The following SORCS2 variants were observed in gnomAD, a reference collection of about 807,000 sequenced individuals.
SORCS2 encodes the protein sortilin related VPS10 domain containing receptor 2.
In SORCS2, 100 loss-of-function variants were observed where a neutral mutation model predicts 141.6. That is an observed-to-expected ratio of 0.71 (90% CI 0.60 to 0.83). The LOEUF (loss-of-function observed/expected upper bound fraction) is 0.83, where lower values mean the gene tolerates loss of function less well. Ranked by LOEUF, SORCS2 falls within the 40% of genes least tolerant of loss-of-function variation. The pLI is 0.00. For missense variants in SORCS2, 1,646 were observed against 1,560.2 expected (o/e 1.05, Z -0.93); for synonymous variants, 789 against 676.9 (o/e 1.17, Z -2.57).
intron 1 of SORCS2, among the ~76,000 whole-genome samples, chr4:7,261,118 C>T (rs1171085073): frequency 6.6e-6 from 1 of 152,186 alleles, no homozygotes; most frequent in Non-Finnish European, 1.5e-5. Context: ...GTGATGGGTG[C>T]TGGAACCAGC....
At chr4:7,506,233 C>A (rs1732270842) in intron 2 of SORCS2, among the ~76,000 whole-genome samples, 1 of 145,292 alleles carries the variant, frequency 6.9e-6, no homozygotes, top group Admixed American at 6.6e-5. Flanking sequence ...CGGGCCTCCT[C>A]TGCCAGGGGC....
At chr4:7,405,797 A>C (rs1435012346) in intron 2 of SORCS2, among the ~76,000 whole-genome samples, 2 of 152,102 alleles carry the variant, frequency 1.3e-5, no homozygotes, top group East Asian at 3.8e-4. Context: ...GGATAATTTT[A>C]CTTCCTCTTT....
chr4:7,506,238 AG>A (rs11309463), intron 2 of SORCS2, among the ~76,000 whole-genome samples: 22,862 of 152,148 alleles, frequency 0.15, 3,029 homozygotes, highest in African/African-American at 0.36. Flanking sequence ...CTCCTCTGCC[AG>A]GGGCGCTGCC....
At chr4:7,277,424 A>G (rs1175504875) in intron 1 of SORCS2, among the ~76,000 whole-genome samples, 1 of 152,064 alleles carries the variant, frequency 6.6e-6, no homozygotes, top group African/African-American at 2.4e-5. Context: ...CTCAATACAG[A>G]CGGGCTTTCC....
chr4:7,296,038 C>T (rs1194212595), intron 1 of SORCS2, among the ~76,000 whole-genome samples: 1 of 152,190 alleles, frequency 6.6e-6, no homozygotes, highest in African/African-American at 2.4e-5. Context: ...GCTGGGGGTC[C>T]GTGCTGGGGG....
chr4:7,221,399 T>G (rs1728698278), intron 1 of SORCS2, among the ~76,000 whole-genome samples: 1 of 152,196 alleles, frequency 6.6e-6, no homozygotes, highest in African/African-American at 2.4e-5. Flanking sequence ...CAGGTGAGCC[T>G]TTTTCAGGCT....
chr4:7,704,324 C>A lies in SORCS2; in HGVS notation c.1868+40C>A, dbSNP rs753622790. Reference sequence around the variant, plus strand: ...CGGGGAGTGGGCACTGGTGGCAGGGCAGAGCCATGCTGGGCCTCCCTGGGC... The same window carrying A: ...CGGGGAGTGGGCACTGGTGGCAGGGAAGAGCCATGCTGGGCCTCCCTGGGC... On this transcript the variant is annotated intron_variant, in intron 14 of 26. Transcript: ENST00000507866. 6.5e-6 allele frequency: 10 copies of A among 1,544,764 alleles called. No homozygotes were observed. The East Asian group carries it at 2.1e-4, about 33-fold the overall frequency.
intron 1 of SORCS2, among the ~76,000 whole-genome samples, chr4:7,374,326 G>C (rs781130522): frequency 1.3e-5 from 2 of 152,076 alleles, no homozygotes; most frequent in Non-Finnish European, 2.9e-5. Flanking sequence ...AGGCTTGTGG[G>C]GAAATGCTCC....
At chr4:7,667,777 G>T (rs941228019) in intron 8 of SORCS2, among the ~76,000 whole-genome samples, 2 of 152,224 alleles carry the variant, frequency 1.3e-5, no homozygotes, top group African/African-American at 4.8e-5. Context: ...CAGGGGAGCT[G>T]GGGATTGCCC....
intron 2 of SORCS2, among the ~76,000 whole-genome samples, chr4:7,482,477 C>CT (rs1236662605): frequency 8.6e-5 from 5 of 57,884 alleles, no homozygotes; most frequent in Admixed American, 1.6e-4. Context: ...ACACCCCTGA[C>CT]GCTGTTCAGA....
chr4:7,736,488 G>A (rs1215987297), intron 25 of SORCS2, among the ~76,000 whole-genome samples: 1 of 152,334 alleles, frequency 6.6e-6, no homozygotes, highest in Middle Eastern at 3.4e-3. Context: ...CCCTGACCCT[G>A]GGTTTTGATT....
chr4:7,293,675 C>T (rs1414786958), intron 1 of SORCS2, among the ~76,000 whole-genome samples: 3 of 152,172 alleles, frequency 2.0e-5, no homozygotes, highest in Non-Finnish European at 4.4e-5. Flanking sequence ...GTGGGCTGTG[C>T]TGGGGGACAC....
chr4:7,205,487 T>A (rs1727681232), intron 1 of SORCS2, among the ~76,000 whole-genome samples: 1 of 152,260 alleles, frequency 6.6e-6, no homozygotes, highest in African/African-American at 2.4e-5. Flanking sequence ...TGTGATGATT[T>A]CCATAGTTTT....
chr4:7,516,920 C>T (rs2109488518), intron 2 of SORCS2, among the ~76,000 whole-genome samples: 1 of 152,298 alleles, frequency 6.6e-6, no homozygotes, highest in South Asian at 2.1e-4. Flanking sequence ...AGCTTGGGAG[C>T]CAGGCTGCAG....
intron 3 of SORCS2, 112 bp downstream of exon 3, chr4:7,531,741 G>A (rs758350271): frequency 1.7e-4 from 179 of 1,063,174 alleles, no homozygotes; most frequent in Non-Finnish European, 2.3e-4. Context: ...GGCCCAGGCC[G>A]GAGTGTGAGA....
intron 3 of SORCS2, among the ~76,000 whole-genome samples, chr4:7,612,290 C>G (rs1718457434): frequency 6.6e-6 from 1 of 152,052 alleles, no homozygotes; most frequent in East Asian, 1.9e-4. Context: ...TGGCTTGGGT[C>G]TGGGGGGAAG....
intron 1 of SORCS2, among the ~76,000 whole-genome samples, chr4:7,304,716 C>T (rs951806594): frequency 1.3e-5 from 2 of 152,228 alleles, no homozygotes; most frequent in African/African-American, 4.8e-5. Flanking sequence ...CTCAGCTGGA[C>T]AAGAGCTTGG....
intron 2 of SORCS2, among the ~76,000 whole-genome samples, chr4:7,486,142 G>A (rs1023612870): frequency 6.6e-6 from 1 of 152,288 alleles, no homozygotes; most frequent in Non-Finnish European, 1.5e-5. Flanking sequence ...GCGCGTGACA[G>A]GGACCTGCAG....
At chr4:7,671,345 A>T (rs1336592637) in intron 8 of SORCS2, among the ~76,000 whole-genome samples, 1 of 152,156 alleles carries the variant, frequency 6.6e-6, no homozygotes, top group Admixed American at 6.5e-5. Flanking sequence ...TTCAAAAGAA[A>T]AAAAAAATAA....
Sources: gnomAD v4.1 joint callset for allele counts (sites outside exome capture counted in the v4.1 genomes callset) on GRCh38, gnomAD v4.1.1 for gene constraint, MANE v1.5 for transcripts, NCBI Gene and HGNC (gene_info 2026-07-23, HGNC 2026-07-21) for gene names.